Variants in PMEPA1 observed in about 807,000 individuals in gnomAD.
PMEPA1 encodes the protein protein TMEPAI.
Under a neutral mutation model 23.0 loss-of-function variants are expected in PMEPA1, and 11 were observed. The observed-to-expected ratio is 0.48, with a 90% CI of 0.30 to 0.79. The LOEUF (loss-of-function observed/expected upper bound fraction) is 0.79. Among genes scored for constraint, PMEPA1 ranks in the 30% least tolerant of loss-of-function variants. PMEPA1 has a pLI of 0.06. For missense variants in PMEPA1, 377 were observed against 390.9 expected, an observed-to-expected ratio of 0.96 and a Z score of 0.30; for synonymous variants, 204 against 166.4, an observed-to-expected ratio of 1.23 and a Z score of -1.74.
chr20:57,707,871 TA>T (rs954343771), intron 1 of PMEPA1, among the ~76,000 whole-genome samples: 2 of 152,208 alleles, frequency 1.3e-5, no homozygotes, highest in African/African-American at 4.8e-5. Context: ...CGTATTTTAA[TA>T]ACATTCTCGT....
At chr20:57,658,621 T>A in intron 2 of PMEPA1, among the ~76,000 whole-genome samples, 1 of 152,204 alleles carries the variant, frequency 6.6e-6, no homozygotes, top group East Asian at 1.9e-4. Context: ...TGGATGTGAC[T>A]GTCAGCCCAT....
At chr20:57,684,865 G>T (rs1555882318) in intron 1 of PMEPA1, among the ~76,000 whole-genome samples, 1 of 151,994 alleles carries the variant, frequency 6.6e-6, no homozygotes, top group Non-Finnish European at 1.5e-5. Flanking sequence ...TGGGAGGGGG[G>T]GGTCTCTGCC....
chr20:57,690,635 C>T (rs1001434300), intron 1 of PMEPA1: 5 of 1,151,994 alleles, frequency 4.3e-6, no homozygotes, highest in Non-Finnish European at 5.5e-6. Context: ...CAGGCGCGCA[C>T]CCCAGCCTGC....
chr20:57,699,881 C>T (rs553469795), intron 1 of PMEPA1: 15 of 383,054 alleles, frequency 3.9e-5, no homozygotes, highest in Non-Finnish European at 6.3e-5. Flanking sequence ...AACAAGGGAC[C>T]TCAGAGAAGC....
chr20:57,680,321 G>T (rs1240220303), intron 1 of PMEPA1, among the ~76,000 whole-genome samples: 1 of 152,228 alleles, frequency 6.6e-6, no homozygotes, highest in Non-Finnish European at 1.5e-5. Flanking sequence ...AGCTGCTAGG[G>T]CTAAGGTGTG....
Position 57,652,515 on chromosome 20 carries a change from C to CTGGAAGCGG in PMEPA1, c.393_401dup (p.His131_Phe133dup), listed in dbSNP as rs1483169590. The CTGGAAGCGG allele has an allele frequency of 6.3e-7, 1 of 1,580,580 alleles. No individual in the cohort carries two copies. Among genetic ancestry groups the CTGGAAGCGG allele is most frequent in the Non-Finnish European group, 8.6e-7 (1 of 1,161,386 alleles). On this transcript the variant is annotated inframe_insertion, in exon 4 of 4. Coordinates refer to ENST00000341744, the MANE Select transcript of PMEPA1 (RefSeq NM_020182.5). This position sits in a 1 kb window ranked among gnomAD's most constrained non-coding sequence, Gnocchi z 6.1. ...CGTGCTGCAGGTACGGATAGGTGGG[C>CTGGAAGCGG]TGGAAGCGGTGGAAGCGCTCCCGCT...
Position 57,709,504 on chromosome 20 carries a change from T to C in PMEPA1, c.79A>G (p.Lys27Glu). The change falls in exon 1 of 4, where the codon AAA becomes GAA. Residue 27 changes from lysine to glutamate, a missense_variant. Coordinates refer to ENST00000341744, the MANE Select transcript of PMEPA1 (RefSeq NM_020182.5). The part of the protein sequence containing the change: ...QPNVSCTCNC[K>E]RSLFQSMEIT... ...TCCATGCTCTGGAACAAAGAGCGTT[T>C]GCAGTTGCACGTGCAGGAGACATTG... is the stretch of plus-strand genomic sequence containing the variant. The C allele has an allele frequency of 8.8e-7, 1 of 1,138,718 alleles. No individual in the cohort carries two copies. The highest frequency in any genetic ancestry group is 5.7e-5 in the East Asian group (1 of 17,594). The allele number at this position is 1,138,718 out of a possible 1,614,324, so 70.5% of individuals were successfully genotyped here.
chr20:57,693,000 A>G (rs1475056333), intron 1 of PMEPA1, among the ~76,000 whole-genome samples: 4 of 152,238 alleles, frequency 2.6e-5, no homozygotes, highest in African/African-American at 4.8e-5. Flanking sequence ...TGGCAGAATC[A>G]GGGCATAAGG....
At chr20:57,672,401 G>T (rs935236217) in intron 1 of PMEPA1, among the ~76,000 whole-genome samples, 1 of 152,256 alleles carries the variant, frequency 6.6e-6, no homozygotes, top group East Asian at 1.9e-4. Context: ...GAAGTGAACC[G>T]GGGCTCCGTT....
At chr20:57,658,893 G>A (rs2071365825) in intron 2 of PMEPA1, among the ~76,000 whole-genome samples, 1 of 152,200 alleles carries the variant, frequency 6.6e-6, no homozygotes, top group African/African-American at 2.4e-5. Flanking sequence ...CGGTGGGTAA[G>A]AGCCAAATGC....
In PMEPA1 at chr20:57,709,461, T is replaced by TG. The variant is rs1456674806; in HGVS notation, c.109+12dup. 1 of 1,106,506 alleles carries TG rather than the reference T, an allele frequency of 9.0e-7. No individual in the cohort carries two copies. The highest frequency in any genetic ancestry group is 1.1e-6 in the Non-Finnish European group (1 of 890,236). 68.5% of individuals were successfully genotyped at this position (1,106,506 alleles called of 1,614,324 possible). ...GATGGAGTCTCCGGGGAGGGGGGCG[T>TG]GGGGTCACTCACTGATCTCCATGCT... On this transcript the variant is annotated intron_variant, in intron 1 of 3. Coordinates refer to ENST00000341744, the MANE Select transcript of PMEPA1 (RefSeq NM_020182.5).
intron 1 of PMEPA1, among the ~76,000 whole-genome samples, chr20:57,699,604 G>A (rs551118972): frequency 3.3e-5 from 5 of 152,334 alleles, no homozygotes; most frequent in South Asian, 2.1e-4. Context: ...GCAGTCTCTC[G>A]GGATTTGGTC....
In PMEPA1 at chr20:57,709,916, T is replaced by TCCGCCG. The variant is rs1035195930; in HGVS notation, c.-340_-335dup. 71 of 1,004,706 alleles carry TCCGCCG rather than the reference T, an allele frequency of 7.1e-5. No individual in the cohort carries two copies. Among genetic ancestry groups the TCCGCCG allele is most frequent in the South Asian group, 1.7e-4 (4 of 23,362 alleles). 62.2% of individuals were successfully genotyped at this position (1,004,706 alleles called of 1,614,324 possible). A position where few individuals can be genotyped will look rare whatever the true frequency, so the allele number is the denominator to read the frequency against. ...CGCTAGCTTTCCCCAGCCGAGCGCC[T>TCCGCCG]CCGCCGCCGCCGCCGCCGCCGCCTC... On this transcript the variant is annotated 5_prime_UTR_variant, in exon 1 of 4. Transcript: ENST00000341744.
rs2071237936 is a variant in PMEPA1 at position 57,651,989 on chromosome 20, C to G, written c.*64G>C. The G allele has an allele frequency of 7.3e-7, 1 of 1,373,610 alleles. No individual in the cohort carries two copies. The highest frequency in any genetic ancestry group is 1.5e-5 in the African/African-American group (1 of 68,196). The allele number at this position is 1,373,610 out of a possible 1,614,324, so 85.1% of individuals were successfully genotyped here. On this transcript the variant is annotated 3_prime_UTR_variant, in exon 4 of 4. Transcript: ENST00000341744. ...CCCCCGCCTTCCTCTCACTCCTCTT[C>G]TAAGAAGCGCGGAGTGTTCTGCCTT...
intron 1 of PMEPA1, among the ~76,000 whole-genome samples, chr20:57,673,075 T>C (rs1443262067): frequency 6.6e-6 from 1 of 151,922 alleles, no homozygotes; most frequent in Non-Finnish European, 1.5e-5. Context: ...ACATGCCGGT[T>C]CTCCTGGGCC....
In PMEPA1 at chr20:57,650,039, G is replaced by A. The variant is rs952419286; in HGVS notation, c.*2014C>T. ...AGAGAGAAACAAATTTTAGGCTGACGACTTCACGGAGAGGCAGGTTCTGCT... is the reference window on the plus strand; with the variant it reads ...AGAGAGAAACAAATTTTAGGCTGACAACTTCACGGAGAGGCAGGTTCTGCT... On this transcript the variant is annotated 3_prime_UTR_variant, in exon 4 of 4. Transcript: ENST00000341744. The A allele has an allele frequency of 6.6e-6, 1 of 152,586 alleles. No individual in the cohort carries two copies. The highest frequency in any genetic ancestry group is 1.5e-5 in the Non-Finnish European group (1 of 68,048). The allele number at this position is 152,586 out of a possible 1,614,324, so 9.5% of individuals were successfully genotyped here.
At chr20:57,666,629 G>A (rs2071496476) in intron 1 of PMEPA1, among the ~76,000 whole-genome samples, 1 of 152,244 alleles carries the variant, frequency 6.6e-6, no homozygotes. Context: ...CTTGGGGTCA[G>A]TAACAAGTGC....
Position 57,704,950 on chromosome 20 carries a change from G to A in PMEPA1, c.109+4524C>T, listed in dbSNP as rs1164394238. On this transcript the variant is annotated intron_variant, in intron 1 of 3. Transcript: ENST00000341744. The surrounding 1 kb of genome is among the most constrained non-coding windows in gnomAD (Gnocchi z 4.6). The stretch of plus-strand genomic sequence containing the variant: ...CTTCTCCTGGGCAGCGGCACACAGG[G>A]GTCCACCTTCCTTCTTTTATGGAGA... 6.6e-6 allele frequency among the ~76,000 whole-genome samples: 1 copy of A among 152,152 alleles called. No homozygotes were observed. The highest frequency in any genetic ancestry group is 1.5e-5 in the Non-Finnish European group (1 of 68,034).
chr20:57,683,530 G>C lies in PMEPA1; in HGVS notation c.110-23833C>G, dbSNP rs1319949368. Among the ~76,000 whole-genome samples the C allele has an allele frequency of 9.0e-6, 1 of 111,338 alleles. No individual in the cohort carries two copies. Among genetic ancestry groups the C allele is most frequent in the African/African-American group, 4.5e-5 (1 of 22,306 alleles). 73.0% of individuals were successfully genotyped at this position (111,338 alleles called of 152,430 possible). On this transcript the variant is annotated intron_variant, in intron 1 of 3. Coordinates refer to ENST00000341744, the MANE Select transcript of PMEPA1 (RefSeq NM_020182.5). The surrounding 1 kb of genome is among the most constrained non-coding windows in gnomAD (Gnocchi z 4.3). ...CGAACTTGCATTACTATACTAACTCGGTGGTGGTGTTCTGGCCTGTGTGCG... is the reference window on the plus strand; with the variant it reads ...CGAACTTGCATTACTATACTAACTCCGTGGTGGTGTTCTGGCCTGTGTGCG...
Sources: gnomAD v4.1 joint callset for allele counts (sites outside exome capture counted in the v4.1 genomes callset) on GRCh38, gnomAD v4.1.1 for gene constraint, Gnocchi (gnomAD v3.1) non-coding constraint, MANE v1.5 for transcripts, NCBI Gene and HGNC (gene_info 2026-07-23, HGNC 2026-07-21) for gene names.